SOX5: variants seen among roughly 807,000 people sequenced by gnomAD.
The protein encoded by SOX5 is transcription factor SOX-5.
Under a neutral mutation model 92.0 loss-of-function variants are expected in SOX5, and 9 were observed. The observed-to-expected ratio is 0.10, with a 90% CI of 0.06 to 0.17. The LOEUF (loss-of-function observed/expected upper bound fraction) is 0.17, where lower values mean the gene tolerates loss of function less well. SOX5 is among the 10% of genes least tolerant of loss of function. SOX5 has a pLI of 1.00. For missense variants in SOX5, 642 were observed against 944.5 expected (o/e 0.68, Z 4.20); for synonymous variants, 344 against 336.3 (o/e 1.02, Z -0.25).
At chr12:23,760,665 G>T (rs767968992) in intron 3 of SOX5, among the ~76,000 whole-genome samples, 1 of 151,974 alleles carries the variant, frequency 6.6e-6, no homozygotes, top group Non-Finnish European at 1.5e-5. Context: ...CCTCTTTAGG[G>T]CCTGCTCATT....
rs369359355 is a variant in SOX5 at position 23,760,288 on chromosome 12, T to A, written c.482-4564A>T. ...GAAAGATGCTTTGCCCAACATCAGC[T>A]CATCAGTAAGTAGAACAGATGGAAT... is the stretch of plus-strand genomic sequence containing the variant. On this transcript the variant is annotated intron_variant, in intron 3 of 14. Coordinates refer to ENST00000451604, the MANE Select transcript of SOX5 (RefSeq NM_006940.6). 5.3e-5 allele frequency among the ~76,000 whole-genome samples: 8 copies of A among 152,210 alleles called. No homozygotes were observed. In the East Asian group the frequency reaches 5.8e-4, roughly 11 times the overall value.
intron 4 of SOX5, among the ~76,000 whole-genome samples, chr12:24,103,512 G>A (rs1946330889): frequency 6.6e-6 from 1 of 152,008 alleles, no homozygotes; most frequent in South Asian, 2.1e-4. Context: ...ATGCCACCAT[G>A]GCCAGCTAAT....
At chr12:24,033,300 T>G (rs991988863) in intron 4 of SOX5, among the ~76,000 whole-genome samples, 1 of 151,968 alleles carries the variant, frequency 6.6e-6, no homozygotes, top group Admixed American at 6.6e-5. Flanking sequence ...CTTGAAATTT[T>G]CAGTTATAGA....
intron 2 of SOX5, among the ~76,000 whole-genome samples, chr12:23,877,901 A>T (rs907960321): frequency 6.6e-6 from 1 of 151,956 alleles, no homozygotes; most frequent in African/African-American, 2.4e-5. Flanking sequence ...GTATATAAAA[A>T]AGTTTATCTA....
At chr12:23,838,656 G>A (rs1185636540) in intron 3 of SOX5, among the ~76,000 whole-genome samples, 1 of 151,956 alleles carries the variant, frequency 6.6e-6, no homozygotes, top group African/African-American at 2.4e-5. Context: ...TTGTAGAGAA[G>A]AAAGTACAAA....
chr12:24,394,829 T>G (rs567507687), intron 1 of SOX5, among the ~76,000 whole-genome samples: 12 of 152,224 alleles, frequency 7.9e-5, no homozygotes, highest in African/African-American at 1.2e-4. Flanking sequence ...ATAAAAATTG[T>G]AGTTCAATTT....
At chr12:24,403,922 A>G (rs1962330312) in intron 1 of SOX5, among the ~76,000 whole-genome samples, 4 of 150,374 alleles carry the variant, frequency 2.7e-5, no homozygotes, top group South Asian at 4.1e-4. Flanking sequence ...CTGGAATAAA[A>G]TAGTGACAAA....
chr12:23,755,620 A>G lies in SOX5; in HGVS notation c.568+18T>C, dbSNP rs745988906. On this transcript the variant is annotated intron_variant, in intron 4 of 14. Transcript: ENST00000451604. The stretch of plus-strand genomic sequence containing the variant: ...TCATTTTGGTACATTTTGGATAAAA[A>G]CAATCACACCATATTACCTTTTATT... The G allele has an allele frequency of 6.5e-6, 10 of 1,548,904 alleles. No individual in the cohort carries two copies. Among genetic ancestry groups the G allele is most frequent in the Non-Finnish European group, 8.8e-6 (10 of 1,138,158 alleles).
At chr12:23,893,058 T>C (rs149504867) in intron 2 of SOX5, among the ~76,000 whole-genome samples, 64 of 152,348 alleles carry the variant, frequency 4.2e-4, no homozygotes, top group African/African-American at 1.5e-3. Context: ...GAAGTTTGTG[T>C]CTTACTCAAA....
rs1034838636 is a variant in SOX5, at chr12:24,000,984, A to G, written c.-1-104960T>C. On this transcript the variant is annotated intron_variant, in intron 4 of 4. Transcript: ENST00000446891. ...TGCTTCTTCCAGCAGAATACATACT[A>G]TTTTCAAGAATACATGGAGCATTCT... is the stretch of plus-strand genomic sequence containing the variant. Among the ~76,000 whole-genome samples, 20 of 152,278 alleles carry G rather than the reference A, an allele frequency of 1.3e-4. 1 individual carries two copies. The highest frequency in any genetic ancestry group is 7.2e-4 in the Admixed American group (11 of 15,284).
At chr12:24,550,368 G>T (rs1953037244) in intron 1 of SOX5, among the ~76,000 whole-genome samples, 1 of 152,128 alleles carries the variant, frequency 6.6e-6, no homozygotes, top group Non-Finnish European at 1.5e-5. Flanking sequence ...GCTTCTGCTG[G>T]ATCTTCCTTA....
At chr12:24,307,507 A>AGGG (rs1565874162) in intron 2 of SOX5, among the ~76,000 whole-genome samples, 456 of 33,988 alleles carry the variant, frequency 0.013, 78 homozygotes, top group South Asian at 0.037. Context: ...GGAAGGAAGG[A>AGGG]AGGAAGGAAG....
chr12:24,356,114 T>C (rs370304397), intron 2 of SOX5, among the ~76,000 whole-genome samples: 2 of 152,106 alleles, frequency 1.3e-5, no homozygotes, highest in East Asian at 3.9e-4. Flanking sequence ...ATAAACAAGA[T>C]AGCAAACTTG....
At chr12:24,255,902 C>T (rs1051773663) in intron 3 of SOX5, among the ~76,000 whole-genome samples, 16 of 151,988 alleles carry the variant, frequency 1.1e-4, no homozygotes, top group Non-Finnish European at 2.1e-4. Flanking sequence ...AGTAAAATGG[C>T]CCCAGCAATC....
At chr12:24,321,596 A>T (rs1950216858) in intron 2 of SOX5, among the ~76,000 whole-genome samples, 1 of 152,206 alleles carries the variant, frequency 6.6e-6, no homozygotes, top group South Asian at 2.1e-4. Context: ...TTCATACTAG[A>T]GACTATCTTA....
rs189885729 is a variant in SOX5 at position 23,884,983 on chromosome 12, T to G, written c.270+10810A>C. The stretch of plus-strand genomic sequence containing the variant: ...GCTATAAGATATATTCAACAAGGCT[T>G]TCAACATTGCTTTTTATGTTCTATT... On this transcript the variant is annotated intron_variant, in intron 2 of 14. Transcript: ENST00000451604. Among the ~76,000 whole-genome samples, 516 of 152,342 alleles carry G rather than the reference T, an allele frequency of 3.4e-3. 1 individual carries two copies. The highest frequency in any genetic ancestry group is 5.1e-3 in the Non-Finnish European group (347 of 68,034).
chr12:24,465,574 C>T (rs1944135290), intron 1 of SOX5, among the ~76,000 whole-genome samples: 1 of 152,148 alleles, frequency 6.6e-6, no homozygotes, highest in African/African-American at 2.4e-5. Context: ...CTGAGAAAGT[C>T]ACAAAGCAGG....
intron 4 of SOX5, among the ~76,000 whole-genome samples, chr12:24,173,588 T>C (rs1361176774): frequency 6.6e-6 from 1 of 152,138 alleles, no homozygotes; most frequent in Non-Finnish European, 1.5e-5. Flanking sequence ...TATAGCAACA[T>C]GGTGAGGTTA....
chr12:23,781,768 T>G (rs2095284989), intron 3 of SOX5, among the ~76,000 whole-genome samples: 1 of 152,066 alleles, frequency 6.6e-6, no homozygotes. Context: ...AGTCTTTCTT[T>G]GGAAATAATG....
Sources: allele counts gnomAD v4.1 joint callset (sites outside exome capture counted in the v4.1 genomes callset), GRCh38; gene constraint gnomAD v4.1.1; transcripts MANE v1.5; gene names NCBI Gene and HGNC (gene_info 2026-07-23, HGNC 2026-07-21).